Variants in PDGFRA observed in about 807,000 individuals in gnomAD.
PDGFRA encodes the protein platelet-derived growth factor receptor alpha.
Under a neutral mutation model 121.5 loss-of-function variants are expected in PDGFRA, and 25 were observed. That is an observed-to-expected ratio of 0.21 (90% confidence interval 0.15 to 0.29). PDGFRA has a LOEUF of 0.29. Ranked by LOEUF, PDGFRA falls within the 10% of genes least tolerant of loss-of-function variation. PDGFRA has a pLI of 1.00. For synonymous variants in PDGFRA, 463 were observed against 494.8 expected, an observed-to-expected ratio of 0.94 and a Z score of 0.85; for missense variants, 1,008 against 1,345.1, an observed-to-expected ratio of 0.75 and a Z score of 3.92.
At chr4:54,291,918 C>T (rs1724651798) in intron 22 of PDGFRA, among the ~76,000 whole-genome samples, 1 of 152,078 alleles carries the variant, frequency 6.6e-6, no homozygotes. Context: ...ACATCTGGCA[C>T]ATATACACCA....
At chr4:54,237,787 A>C (rs1350644033) in intron 1 of PDGFRA, among the ~76,000 whole-genome samples, 1 of 152,222 alleles carries the variant, frequency 6.6e-6, no homozygotes, top group Non-Finnish European at 1.5e-5. Context: ...CAAAGGAGGA[A>C]AATGGAAGGA....
At chr4:54,229,523 A>C (rs1720541918) in intron 1 of PDGFRA, 108 bp downstream of exon 1, 2 of 393,672 alleles carry the variant, frequency 5.1e-6, no homozygotes, top group Non-Finnish European at 8.9e-6. Context: ...AAGAAAAAAA[A>C]AAAGGAGCTG....
At chr4:54,259,253 G>A (rs1722551729) in intron 2 of PDGFRA, among the ~76,000 whole-genome samples, 1 of 152,036 alleles carries the variant, frequency 6.6e-6, no homozygotes, top group Non-Finnish European at 1.5e-5. Flanking sequence ...AGGTTGCAGT[G>A]CACTGTGATT....
At position 54,296,714 on chromosome 4, in the gene PDGFRA, G is replaced by C. The variant is rs1724899826; in HGVS notation, c.*1442G>C. On this transcript the variant is annotated 3_prime_UTR_variant, in exon 23 of 23. Coordinates refer to ENST00000257290, the MANE Select transcript of PDGFRA (RefSeq NM_006206.6). ...GGCTGTTCTGATCGGCCAGTTTTCG[G>C]AAACACTGACTTAGGTTTCAGGAAG... 4.3e-6 allele frequency: 1 copy of C among 232,850 alleles called. No individual in the cohort carries two copies. Among genetic ancestry groups the C allele is most frequent in the South Asian group, 1.8e-4 (1 of 5,518 alleles). 14.4% of individuals were successfully genotyped at this position (232,850 alleles called of 1,614,324 possible). A position where few individuals can be genotyped will look rare whatever the true frequency, so the allele number is the denominator to read the frequency against.
chr4:54,244,552 C>G (rs1018608102), intron 1 of PDGFRA, among the ~76,000 whole-genome samples: 1 of 152,144 alleles, frequency 6.6e-6, no homozygotes, highest in Non-Finnish European at 1.5e-5. Context: ...GACATCCACA[C>G]CAAAAACCCA....
At chr4:54,273,266 T>C (rs1449730243) in intron 9 of PDGFRA, among the ~76,000 whole-genome samples, 1 of 152,192 alleles carries the variant, frequency 6.6e-6, no homozygotes, top group African/African-American at 2.4e-5. Flanking sequence ...AGGTTCAAGA[T>C]TGGGGAATGG....
chr4:54,284,525 C>A (rs1724214619), intron 16 of PDGFRA, among the ~76,000 whole-genome samples: 2 of 150,182 alleles, frequency 1.3e-5, no homozygotes, highest in Non-Finnish European at 1.5e-5. Context: ...GGGGAGCAGG[C>A]ATATCACATG....
At chr4:54,240,009 C>T (rs567144863) in intron 1 of PDGFRA, 2 of 416,200 alleles carry the variant, frequency 4.8e-6, no homozygotes, top group Non-Finnish European at 9.7e-6. Context: ...CACCACCACG[C>T]CTGGCTAAAT....
intron 18 of PDGFRA, 71 bp from the exon 19 acceptor site, chr4:54,287,358 CT>C: frequency 1.3e-6 from 1 of 784,942 alleles, no homozygotes; most frequent in Non-Finnish European, 2.4e-6. Context: ...AAGGGGAACC[CT>C]TTTCTATTTC....
intron 15 of PDGFRA, chr4:54,278,826 C>A: frequency 1.9e-6 from 1 of 517,838 alleles, no homozygotes; most frequent in Non-Finnish European, 3.7e-6. Context: ...CAGCTCTGGC[C>A]AGGGATGCTT....
intron 12 of PDGFRA, 195 bp from the exon 13 acceptor site, chr4:54,277,193 A>G (rs1417295900): frequency 1.6e-6 from 1 of 636,832 alleles, no homozygotes; most frequent in African/African-American, 1.8e-5. Context: ...GTTATTCGAC[A>G]AAAGCAATTA....
At chr4:54,276,269 A>G (rs971259092) in intron 12 of PDGFRA, among the ~76,000 whole-genome samples, 3 of 150,840 alleles carry the variant, frequency 2.0e-5, no homozygotes, top group African/African-American at 7.5e-5. Context: ...CCCCAGTTTC[A>G]GAGACACTGA....
chr4:54,289,199 G>C, intron 21 of PDGFRA, 85 bp downstream of exon 21: 1 of 832,110 alleles, frequency 1.2e-6, no homozygotes, highest in Non-Finnish European at 2.1e-6. Flanking sequence ...TTCTAGAGGA[G>C]CATTTTCAAA....
chr4:54,258,819 T>G lies in PDGFRA; in HGVS notation c.49+2T>G. On this transcript the variant is annotated splice_donor_variant, in intron 2 of 22. Transcript: ENST00000257290. LOFTEE classifies it high-confidence loss of function. Reference sequence around the variant, plus strand: ...TGGTCTTAGGCTGTCTTCTCACAGGTACGGAGCCCAGTCCTCTCTGAGTTC... The same window carrying G: ...TGGTCTTAGGCTGTCTTCTCACAGGGACGGAGCCCAGTCCTCTCTGAGTTC... 1 of 1,613,134 alleles carries G rather than the reference T, an allele frequency of 6.2e-7. No individual in the cohort carries two copies.
rs1440200916 is a variant in PDGFRA at position 54,258,803 on chromosome 4, G to T, written c.35G>T (p.Gly12Val). 1 of 1,613,732 alleles carries T rather than the reference G, an allele frequency of 6.2e-7. No homozygotes were observed. The highest frequency in any genetic ancestry group is 8.5e-7 in the Non-Finnish European group (1 of 1,179,694). ...TCCCATCCGGCGTTCCTGGTCTTAG[G>T]CTGTCTTCTCACAGGTACGGAGCCC... Reference protein sequence around the residue: ...GTSHPAFLVLGCLLTGLSLIL... With the variant: ...GTSHPAFLVLVCLLTGLSLIL... The change falls in exon 2 of 23, where the codon GGC becomes GTC. Residue 12 changes from glycine (G) to valine (V), a missense_variant. By Grantham distance (109) the Gly-to-Val change is moderately radical. This residue lies in a region of PDGFRA where 575 missense variants were observed against 701.8 expected (regional missense o/e 0.82). Transcript: ENST00000257290.
At chr4:54,274,732 A>C (rs776958618) in intron 11 of PDGFRA, 107 bp downstream of exon 11, 158 of 1,446,860 alleles carry the variant, frequency 1.1e-4, no homozygotes, top group Non-Finnish European at 1.3e-4. Flanking sequence ...TTACATGTGG[A>C]GTGAACGTTG....
At position 54,263,803 on chromosome 4, in the gene PDGFRA, A is replaced by G. The variant is rs1722884586; in HGVS notation, c.504A>G (p.Val168=). 1.2e-6 allele frequency: 2 copies of G among 1,614,078 alleles called. No individual in the cohort carries two copies. Among genetic ancestry groups the G allele is most frequent in the Non-Finnish European group, 1.7e-6 (2 of 1,180,004 alleles). The change falls in exon 4 of 23, where the codon GTA becomes GTG. Residue 168 remains valine (V), a synonymous_variant. Transcript: ENST00000257290. The stretch of plus-strand genomic sequence containing the variant: ...CCTTACACAACAGTGAGGGGGTGGT[A>G]CCTGCCTCCTACGACAGCAGACAGG... ...PVTLHNSEGV[V]PASYDSRQGF... is the part of the protein sequence containing the mutation.
At chr4:54,287,342 G>T in intron 18 of PDGFRA, 88 bp from the exon 19 acceptor site, 1 of 773,848 alleles carries the variant, frequency 1.3e-6, no homozygotes, top group South Asian at 1.3e-5. Context: ...AAGTTATTAA[G>T]AGCCCAAGGG....
intron 1 of PDGFRA, among the ~76,000 whole-genome samples, chr4:54,243,153 G>C (rs1721402647): frequency 6.6e-6 from 1 of 152,174 alleles, no homozygotes; most frequent in Non-Finnish European, 1.5e-5. Context: ...AGCCTTTGGG[G>C]AACATCGTTG....
Sources: allele counts gnomAD v4.1 joint callset (sites outside exome capture counted in the v4.1 genomes callset), GRCh38; gene constraint gnomAD v4.1.1; regional missense constraint gnomAD v4.1.1; transcripts MANE v1.5; gene names NCBI Gene and HGNC (gene_info 2026-07-23, HGNC 2026-07-21).